The following C8orf34 variants were observed in gnomAD, a reference collection of about 807,000 sequenced individuals.
C8orf34 encodes the protein chromosome 8 open reading frame 34, also known as uncharacterized protein C8orf34.
C8orf34 carries 65 observed loss-of-function variants against 68.3 expected under a neutral mutation model. The observed-to-expected ratio is 0.95, with a 90% CI of 0.78 to 1.17. The LOEUF (loss-of-function observed/expected upper bound fraction) is 1.17, where lower values mean the gene tolerates loss of function less well. Ranked by LOEUF, C8orf34 falls within the 50% of genes most tolerant of loss-of-function variation. C8orf34 has a pLI of 0.00. For missense variants in C8orf34, 664 were observed against 655.4 expected (o/e 1.01, Z -0.14); for synonymous variants, 244 against 241.2 (o/e 1.01, Z -0.11).
chr8:68,530,835 TAA>T (rs1484714211), intron 6 of C8orf34, among the ~76,000 whole-genome samples: 3 of 152,168 alleles, frequency 2.0e-5, no homozygotes, highest in African/African-American at 7.2e-5. Flanking sequence ...GTTGGGAACC[TAA>T]GTTGGGATAG....
At chr8:68,802,948 C>T (rs528721117) in intron 12 of C8orf34, among the ~76,000 whole-genome samples, 1 of 152,140 alleles carries the variant, frequency 6.6e-6, no homozygotes, top group South Asian at 2.1e-4. Flanking sequence ...ATACAATTTA[C>T]CAAAGCTGAC....
chr8:68,423,834 A>G (rs1252694538), intron 1 of C8orf34, among the ~76,000 whole-genome samples: 1 of 152,146 alleles, frequency 6.6e-6, no homozygotes, highest in African/African-American at 2.4e-5. Context: ...GGCAGAAGGA[A>G]TCTCTTCACA....
intron 7 of C8orf34, among the ~76,000 whole-genome samples, chr8:68,638,520 C>T (rs1356140580): frequency 6.6e-6 from 1 of 152,050 alleles, no homozygotes; most frequent in African/African-American, 2.4e-5. Context: ...TTATAATAAA[C>T]TACCTCTGTA....
intron 10 of C8orf34, among the ~76,000 whole-genome samples, chr8:68,735,035 G>A (rs1178503672): frequency 6.6e-6 from 1 of 152,130 alleles, no homozygotes; most frequent in Non-Finnish European, 1.5e-5. Context: ...CCCTTTGTGA[G>A]GTAAGTTTAT....
In C8orf34 at chr8:68,468,771, C is replaced by T; in HGVS notation, c.687C>T (p.Ile229=). 6.2e-7 allele frequency: 1 copy of T among 1,612,448 alleles called. No individual in the cohort carries two copies. Among genetic ancestry groups the T allele is most frequent in the Admixed American group, 1.7e-5 (1 of 59,802 alleles). ...QSRDFDELNH[I]LQESKKLGKA... ...GTGATTTTGATGAATTGAATCACAT[C>T]CTTCAGGAGAGCAAGAAGCTGGGGA... Residue 229 remains isoleucine (I), a synonymous_variant, in exon 4 of 14, where the codon ATC becomes ATT. Transcript: ENST00000518698.
In C8orf34 at chr8:68,533,104, A is replaced by G. The variant is rs1815318184; in HGVS notation, c.1060A>G (p.Thr354Ala). The change falls in exon 7 of 14, where the codon ACA (threonine) becomes GCA (alanine). Residue 354 changes from threonine (T) to alanine (A), a missense_variant. Thr to Ala is a moderately conservative substitution (Grantham distance 58). Coordinates refer to ENST00000518698, the MANE Select transcript of C8orf34 (RefSeq NM_052958.4). ...CATCCACAGCCCTACCCCATCTGTA[A>G]CAGAAGAAGATATTGATAATGAAGA... Reference protein sequence around the residue: ...ESIHSPTPSVTEEDIDNEDDA... With the variant: ...ESIHSPTPSVAEEDIDNEDDA... The G allele has an allele frequency of 6.2e-7, 1 of 1,608,894 alleles. No homozygotes were observed. Among genetic ancestry groups the G allele is most frequent in the Non-Finnish European group, 8.5e-7 (1 of 1,177,902 alleles).
intron 8 of C8orf34, among the ~76,000 whole-genome samples, chr8:68,707,278 G>A (rs183879637): frequency 5.9e-5 from 9 of 152,194 alleles, no homozygotes; most frequent in African/African-American, 1.9e-4. Context: ...AGCTCTTAAG[G>A]TATCTGGAGG....
chr8:68,723,161 C>T (rs566920380), intron 10 of C8orf34, among the ~76,000 whole-genome samples: 6 of 152,134 alleles, frequency 3.9e-5, no homozygotes, highest in African/African-American at 1.4e-4. Flanking sequence ...ACAGTTTATT[C>T]CTGTTTGTTA....
chr8:68,543,612 C>A (rs1815771633), intron 7 of C8orf34, among the ~76,000 whole-genome samples: 1 of 152,122 alleles, frequency 6.6e-6, no homozygotes, highest in Non-Finnish European at 1.5e-5. Flanking sequence ...ACAAAATTTA[C>A]CCAGATTACA....
rs1807058360 is a variant in C8orf34, at chr8:68,362,658, T to A, written c.327+31319T>A. On this transcript the variant is annotated intron_variant, in intron 1 of 13. Coordinates refer to ENST00000518698, the MANE Select transcript of C8orf34 (RefSeq NM_052958.4). Reference sequence around the variant, plus strand: ...CACTGACACCTCACACGGCAGGATATTCCAACAGACCTGCAGCTGAGGGTC... The same window carrying A: ...CACTGACACCTCACACGGCAGGATAATCCAACAGACCTGCAGCTGAGGGTC... Among the ~76,000 whole-genome samples, 3 of 152,168 alleles carry A rather than the reference T, an allele frequency of 2.0e-5. No homozygotes were observed. The South Asian group carries it at 6.2e-4, about 32-fold the overall frequency.
intron 7 of C8orf34, among the ~76,000 whole-genome samples, chr8:68,594,334 G>A (rs749530019): frequency 4.3e-4 from 65 of 152,040 alleles, no homozygotes; most frequent in Non-Finnish European, 5.7e-4. Flanking sequence ...ATATGGGAAT[G>A]ATGGTTATAG....
At chr8:68,671,943 T>C (rs1820025330) in intron 8 of C8orf34, among the ~76,000 whole-genome samples, 1 of 152,162 alleles carries the variant, frequency 6.6e-6, no homozygotes, top group South Asian at 2.1e-4. Flanking sequence ...AAAAATAATG[T>C]TCACTCTATC....
intron 3 of C8orf34, among the ~76,000 whole-genome samples, chr8:68,455,924 A>G (rs1272975088): frequency 6.6e-6 from 1 of 151,892 alleles, no homozygotes; most frequent in Non-Finnish European, 1.5e-5. Flanking sequence ...TGTGGGTAGA[A>G]AAAAACAGTT....
chr8:68,381,812 T>C (rs1271006505), intron 1 of C8orf34, among the ~76,000 whole-genome samples: 1 of 151,458 alleles, frequency 6.6e-6, no homozygotes, highest in Admixed American at 6.6e-5. Flanking sequence ...GTGCATTCCA[T>C]TTATTTTTTC....
intron 8 of C8orf34, among the ~76,000 whole-genome samples, chr8:68,646,857 A>G (rs1819189229): frequency 6.6e-6 from 1 of 152,182 alleles, no homozygotes; most frequent in African/African-American, 2.4e-5. Context: ...TTGTTTATGC[A>G]TTGATCCAAT....
At chr8:68,424,100 C>G in intron 1 of C8orf34, among the ~76,000 whole-genome samples, 1 of 152,108 alleles carries the variant, frequency 6.6e-6, no homozygotes, top group Non-Finnish European at 1.5e-5. Context: ...GACCAAGGGC[C>G]AGAGGCTTCT....
At chr8:68,773,661 C>CA (rs1247576015) in intron 10 of C8orf34, among the ~76,000 whole-genome samples, 1 of 152,162 alleles carries the variant, frequency 6.6e-6, no homozygotes, top group Non-Finnish European at 1.5e-5. Context: ...GCTGGGATTA[C>CA]AGGTGTGAGC....
intron 1 of C8orf34, among the ~76,000 whole-genome samples, chr8:68,357,077 A>G (rs1266108005): frequency 6.6e-6 from 1 of 152,100 alleles, no homozygotes; most frequent in African/African-American, 2.4e-5. Flanking sequence ...AATTCTCTCT[A>G]GAAAAGTTGG....
intron 12 of C8orf34, chr8:68,790,818 T>G (rs768698844): frequency 5.7e-6 from 4 of 699,802 alleles, no homozygotes; most frequent in Non-Finnish European, 1.0e-5. Context: ...ATTTCAGACC[T>G]ACTAAATCAG....
Sources: gnomAD v4.1 joint callset for allele counts (sites outside exome capture counted in the v4.1 genomes callset) on GRCh38, gnomAD v4.1.1 for gene constraint, MANE v1.5 for transcripts, NCBI Gene and HGNC (gene_info 2026-07-23, HGNC 2026-07-21) for gene names.